The following INTS6 variants were observed in gnomAD, a reference collection of about 807,000 sequenced individuals.
INTS6 encodes integrator complex subunit 6.
INTS6 carries 16 observed loss-of-function variants against 104.9 expected under a neutral mutation model. That is an observed-to-expected ratio of 0.15 (90% CI 0.10 to 0.23). INTS6 has a LOEUF of 0.23. Ranked by LOEUF, INTS6 falls within the 10% of genes least tolerant of loss-of-function variation. The pLI is 1.00. For missense variants in INTS6, 584 were observed against 1,062.8 expected (o/e 0.55, Z 6.26); for synonymous variants, 324 against 358.7 (o/e 0.90, Z 1.09).
intron 4 of INTS6, among the ~76,000 whole-genome samples, chr13:51,429,145 A>G (rs1957037711): frequency 6.6e-6 from 1 of 152,174 alleles, no homozygotes; most frequent in Non-Finnish European, 1.5e-5. Flanking sequence ...AAAGACTAGG[A>G]CCCACATGCC....
chr13:51,435,450 G>A (rs1349287404), intron 3 of INTS6, among the ~76,000 whole-genome samples: 1 of 151,848 alleles, frequency 6.6e-6, no homozygotes, highest in Non-Finnish European at 1.5e-5. Flanking sequence ...TCCTATTATA[G>A]TTCTCTCAAC....
Position 51,395,497 on chromosome 13 carries a change from G to C in INTS6, c.430-14C>G. The C allele has an allele frequency of 6.3e-7, 1 of 1,598,116 alleles. No homozygotes were observed. The highest frequency in any genetic ancestry group is 8.5e-7 in the Non-Finnish European group (1 of 1,173,694). ...AGGTAAATGAAGCTGAAAGTAGGGG[G>C]GAAAAACAGTAATAAGAATTCCACA... is the stretch of plus-strand genomic sequence containing the variant. On this transcript the variant is annotated splice_polypyrimidine_tract_variant and intron_variant, in intron 4 of 17. Transcript: ENST00000311234.
At position 51,452,175 on chromosome 13, in the gene INTS6, C is replaced by A. The variant is rs1014605850; in HGVS notation, c.112-120G>T. 1.6e-5 allele frequency: 15 copies of A among 932,626 alleles called. No individual in the cohort carries two copies. Among genetic ancestry groups the A allele is most frequent in the Non-Finnish European group, 2.3e-5 (14 of 613,058 alleles). 57.8% of individuals were successfully genotyped at this position (932,626 alleles called of 1,614,324 possible). On this transcript the variant is annotated intron_variant, in intron 1 of 17. Transcript: ENST00000311234. This position sits in a 1 kb window ranked among gnomAD's most constrained non-coding sequence, Gnocchi z 4.2. ...CACAGTACCGCACACGCAGCGGCCA[C>A]CCCTCCACGCCGTCCCCCACACACA... is the stretch of plus-strand genomic sequence containing the variant.
intron 4 of INTS6, among the ~76,000 whole-genome samples, chr13:51,396,807 A>T (rs1956348017): frequency 6.6e-6 from 1 of 152,190 alleles, no homozygotes. Flanking sequence ...TGGCATAAAA[A>T]AGCAAAGGGA....
rs368060859 is a variant in INTS6 at position 51,451,942 on chromosome 13, G to A, written c.189+36C>T. On this transcript the variant is annotated intron_variant, in intron 2 of 17. Transcript: ENST00000311234. The stretch of plus-strand genomic sequence containing the variant: ...GGGCGAGCGAGGAAGGAACAGGGAA[G>A]GGAAGGGAGGAAAGGGGGAGGGCGA... The A allele has an allele frequency of 4.6e-4, 717 of 1,545,508 alleles. 6 individuals carry two copies. The Middle Eastern group carries it at 0.012, about 27-fold the overall frequency.
At chr13:51,345,481 CTA>C in the INTS6 span, among the ~76,000 whole-genome samples, 1 of 151,004 alleles carries the variant, frequency 6.6e-6, no homozygotes, top group African/African-American at 2.4e-5. Flanking sequence ...GTAATCCCAG[CTA>C]CTCGGGGAGG....
intron 4 of INTS6, among the ~76,000 whole-genome samples, chr13:51,424,554 T>C (rs542430496): frequency 1.3e-5 from 2 of 152,004 alleles, no homozygotes; most frequent in South Asian, 2.1e-4. Context: ...AATCCAGGGG[T>C]TGAGAGAACA....
chr13:51,335,828 C>A, the INTS6 span: 1 of 152,166 alleles, frequency 6.6e-6, no homozygotes, highest in Non-Finnish European at 1.5e-5. Context: ...AGTGTTTACT[C>A]AAAAACATTA....
At chr13:51,357,338 CATCTT>C (rs1955495634), downstream of INTS6, among the ~76,000 whole-genome samples, 1 of 152,172 alleles carries the variant, frequency 6.6e-6, no homozygotes, top group African/African-American at 2.4e-5. Flanking sequence ...ACTCACCACA[CATCTT>C]AATTGTAGAA....
the INTS6 span, chr13:51,347,282 C>T: frequency 2.6e-6 from 4 of 1,544,994 alleles, no homozygotes; most frequent in South Asian, 4.6e-5. Flanking sequence ...GAAGCCTGGG[C>T]CTGAGGGCAG....
chr13:51,403,546 C>T (rs920661979), intron 4 of INTS6, among the ~76,000 whole-genome samples: 1 of 123,794 alleles, frequency 8.1e-6, no homozygotes. Flanking sequence ...CGCACCACTG[C>T]ACTCCAGCCT....
chr13:51,361,388 A>G, downstream of INTS6: 2 of 1,405,206 alleles, frequency 1.4e-6, no homozygotes, highest in Non-Finnish European at 2.0e-6. Flanking sequence ...ATACCCAGTC[A>G]CACTGCTTAC....
rs373235662 is a variant in INTS6, at chr13:51,395,424, A to T, written c.489T>A (p.Arg163=). 9 of 1,613,840 alleles carry T rather than the reference A, an allele frequency of 5.6e-6. No homozygotes were observed. Among genetic ancestry groups the T allele is most frequent in the Non-Finnish European group, 7.6e-6 (9 of 1,179,904 alleles). ...PGSELTKEPF[R]WDQRLFALVL... ...CTAATGCAAAGAGTCTCTGATCCCA[A>T]CGAAAAGGTTCCTTGGTCAATTCAC... is the stretch of plus-strand genomic sequence containing the variant. Residue 163 remains arginine, a synonymous_variant, in exon 5 of 18, where the codon CGT becomes CGA. Coordinates refer to ENST00000311234, the MANE Select transcript of INTS6 (RefSeq NM_012141.3).
intron 4 of INTS6, among the ~76,000 whole-genome samples, chr13:51,409,855 G>A (rs61089679): frequency 0.011 from 1,598 of 152,176 alleles, 32 homozygotes; most frequent in African/African-American, 0.036. Flanking sequence ...GATTTTGTAC[G>A]TAAAAAGCTT....
At chr13:51,450,251 A>G (rs1953007771) in intron 3 of INTS6, 1 of 984,244 alleles carries the variant, frequency 1.0e-6, no homozygotes, top group Admixed American at 6.2e-5. Flanking sequence ...TTTTATTTCC[A>G]GGGCAATAAT....
intron 4 of INTS6, among the ~76,000 whole-genome samples, chr13:51,428,474 G>C (rs570640161): frequency 6.6e-6 from 1 of 151,674 alleles, no homozygotes; most frequent in Non-Finnish European, 1.5e-5. Flanking sequence ...ACAGGTGTGC[G>C]CCACCACGCC....
At chr13:51,372,947 G>C (rs1260564901) in intron 15 of INTS6, among the ~76,000 whole-genome samples, 11 of 152,120 alleles carry the variant, frequency 7.2e-5, no homozygotes, top group Admixed American at 7.2e-4. Flanking sequence ...GTTTGATTCT[G>C]AGTACAGTTA....
At position 51,364,268 on chromosome 13, in the gene INTS6, A is replaced by T. The variant is rs2137841218; in HGVS notation, c.*1484T>A. 2 of 1,481,532 alleles carry T rather than the reference A, an allele frequency of 1.3e-6. No individual in the cohort carries two copies. Among genetic ancestry groups the T allele is most frequent in the East Asian group, 5.0e-5 (2 of 40,342 alleles). 91.8% of individuals were successfully genotyped at this position (1,481,532 alleles called of 1,614,324 possible). A position where few individuals can be genotyped will look rare whatever the true frequency, so the allele number is the denominator to read the frequency against. The stretch of plus-strand genomic sequence containing the variant: ...TGTCTTCAGTATTGGGAGAGTTTCA[A>T]ATCCCCTAGACTAAATGCATGTTCT... On this transcript the variant is annotated 3_prime_UTR_variant, in exon 18 of 18. Transcript: ENST00000311234.
rs1442628624 is a variant in INTS6 at position 51,382,078 on chromosome 13, C to T, written c.1226G>A (p.Arg409Lys). 3.1e-6 allele frequency: 5 copies of T among 1,612,110 alleles called. No homozygotes were observed. In the South Asian group the frequency reaches 5.5e-5, roughly 18 times the overall value. The change falls in exon 10 of 18, where the codon AGA (arginine) becomes AAA (lysine). Residue 409 changes from arginine (R) to lysine (K), a missense_variant. By Grantham distance (26) the Arg-to-Lys change is conservative (BLOSUM62 2). This residue lies in a region of INTS6 where 144 missense variants were observed against 348.7 expected (regional missense o/e 0.41). Coordinates refer to ENST00000311234, the MANE Select transcript of INTS6 (RefSeq NM_012141.3). ...CTTCAAATAACTTTCAAATGACTGTCTCCACTTCAATGTTGGTTTTGCTTT... is the reference window on the plus strand; with the variant it reads ...CTTCAAATAACTTTCAAATGACTGTTTCCACTTCAATGTTGGTTTTGCTTT... ...VHKAKPTLKW[R>K]QSFESYLKTM... is the part of the protein sequence containing the mutation.
Sources: allele counts gnomAD v4.1 joint callset (sites outside exome capture counted in the v4.1 genomes callset), GRCh38; gene constraint gnomAD v4.1.1; regional missense constraint gnomAD v4.1.1; non-coding constraint Gnocchi (gnomAD v3.1); transcripts MANE v1.5; gene names NCBI Gene and HGNC (gene_info 2026-07-23, HGNC 2026-07-21).